Variants in LRRC72 observed in about 807,000 individuals in gnomAD.
The protein encoded by LRRC72 is leucine-rich repeat-containing protein 72.
In LRRC72, 41 loss-of-function variants were observed where a neutral mutation model predicts 35.8. That is an observed-to-expected ratio of 1.15 (90% confidence interval 0.89 to 1.49). LRRC72 has a LOEUF of 1.49. Among genes scored for constraint, LRRC72 ranks in the 40% most tolerant of loss-of-function variants. The pLI is 0.00. For synonymous variants in LRRC72, 118 were observed against 119.2 expected (o/e 0.99, Z 0.07); for missense variants, 389 against 330.7 (o/e 1.18, Z -1.37).
At chr7:16,563,198 TG>T (rs1782772407) in intron 5 of LRRC72, among the ~76,000 whole-genome samples, 1 of 152,172 alleles carries the variant, frequency 6.6e-6, no homozygotes, top group Admixed American at 6.5e-5. Context: ...TTAAAAACAT[TG>T]GGGTTCATTT....
At chr7:16,562,268 CTCTT>C (rs965817861) in intron 5 of LRRC72, among the ~76,000 whole-genome samples, 1 of 152,124 alleles carries the variant, frequency 6.6e-6, no homozygotes, top group Non-Finnish European at 1.5e-5. Flanking sequence ...CTCCTCCAAA[CTCTT>C]TCTAAATCAG....
At chr7:16,546,161 T>C (rs866348140) in intron 3 of LRRC72, among the ~76,000 whole-genome samples, 16 of 152,222 alleles carry the variant, frequency 1.1e-4, no homozygotes, top group African/African-American at 3.9e-4. Context: ...TAATGTTTCA[T>C]GTTCTATGTA....
chr7:16,571,739 C>G (rs1403725821), intron 7 of LRRC72, among the ~76,000 whole-genome samples: 1 of 152,144 alleles, frequency 6.6e-6, no homozygotes, highest in African/African-American at 2.4e-5. Flanking sequence ...CCACCAGGGC[C>G]CTGGGTTTCA....
chr7:16,556,158 C>T (rs1442770880), intron 3 of LRRC72, among the ~76,000 whole-genome samples: 1 of 151,948 alleles, frequency 6.6e-6, no homozygotes, highest in Non-Finnish European at 1.5e-5. Context: ...ATTATGTATA[C>T]AGTACCTAAT....
intron 5 of LRRC72, among the ~76,000 whole-genome samples, chr7:16,561,733 T>C (rs920331411): frequency 2.0e-5 from 3 of 152,254 alleles, no homozygotes; most frequent in African/African-American, 7.2e-5. Flanking sequence ...ATTCACATTT[T>C]GAACTCATGT....
At chr7:16,577,934 G>A (rs1404677852) in intron 7 of LRRC72, among the ~76,000 whole-genome samples, 3 of 152,140 alleles carry the variant, frequency 2.0e-5, no homozygotes, top group Non-Finnish European at 2.9e-5. Context: ...ATGTAAACTC[G>A]TTCAACTCTC....
chr7:16,528,177 TTTC>T (rs1206882786), intron 1 of LRRC72, among the ~76,000 whole-genome samples: 3 of 152,098 alleles, frequency 2.0e-5, no homozygotes, highest in Non-Finnish European at 2.9e-5. Context: ...CTGCTGTCCT[TTTC>T]TTCTTCTACC....
chr7:16,540,409 T>G (rs567224483), intron 3 of LRRC72, among the ~76,000 whole-genome samples: 3 of 152,324 alleles, frequency 2.0e-5, no homozygotes, highest in African/African-American at 7.2e-5. Flanking sequence ...TACAGGTTCA[T>G]AGGTGGAAGG....
intron 7 of LRRC72, among the ~76,000 whole-genome samples, chr7:16,573,483 C>T (rs755786970): frequency 6.6e-6 from 1 of 152,074 alleles, no homozygotes; most frequent in Non-Finnish European, 1.5e-5. Context: ...AGAACAGAGG[C>T]CTCAGAAATA....
intron 5 of LRRC72, among the ~76,000 whole-genome samples, chr7:16,565,394 T>G (rs993834092): frequency 1.3e-5 from 2 of 150,304 alleles, no homozygotes; most frequent in East Asian, 3.9e-4. Flanking sequence ...ATCATGCCAT[T>G]GCGCTCCAGC....
intron 7 of LRRC72, among the ~76,000 whole-genome samples, chr7:16,568,663 T>C (rs73308786): frequency 6.6e-6 from 1 of 152,090 alleles, no homozygotes; most frequent in East Asian, 1.9e-4. Flanking sequence ...TGGCAAAGAA[T>C]TCTTAGATGC....
chr7:16,539,126 G>A (rs1782312880), intron 3 of LRRC72, among the ~76,000 whole-genome samples: 2 of 152,206 alleles, frequency 1.3e-5, no homozygotes, highest in African/African-American at 2.4e-5. Context: ...GGAAAGTTTG[G>A]AACTTCCTAG....
At chr7:16,530,603 T>C (rs892688587) in intron 1 of LRRC72, 1 of 152,254 alleles carries the variant, frequency 6.6e-6, no homozygotes, top group Non-Finnish European at 1.5e-5. Context: ...CAGTATTCCA[T>C]TGTGATGTCA....
chr7:16,561,879 CTAAAA>C (rs1202190408), intron 5 of LRRC72, among the ~76,000 whole-genome samples: 1 of 152,194 alleles, frequency 6.6e-6, no homozygotes, highest in Non-Finnish European at 1.5e-5. Flanking sequence ...AGCTGATAAA[CTAAAA>C]TGAGAACTCT....
intron 7 of LRRC72, among the ~76,000 whole-genome samples, chr7:16,570,683 G>T (rs1394271874): frequency 6.6e-6 from 1 of 152,014 alleles, no homozygotes; most frequent in Admixed American, 6.6e-5. Context: ...AGCTGGGTTT[G>T]GTGGCGAGCA....
chr7:16,535,829 A>T (rs1782244909), intron 2 of LRRC72, among the ~76,000 whole-genome samples: 1 of 152,214 alleles, frequency 6.6e-6, no homozygotes, highest in Non-Finnish European at 1.5e-5. Context: ...ACATTCTACC[A>T]GACAATTATC....
At chr7:16,561,425 A>G (rs1782742365) in intron 5 of LRRC72, among the ~76,000 whole-genome samples, 1 of 152,240 alleles carries the variant, frequency 6.6e-6, no homozygotes, top group South Asian at 2.1e-4. Context: ...TGCCCAGCCC[A>G]GGACTGAATG....
intron 7 of LRRC72, among the ~76,000 whole-genome samples, chr7:16,571,783 C>T (rs1193941232): frequency 1.3e-5 from 2 of 152,120 alleles, no homozygotes; most frequent in Non-Finnish European, 2.9e-5. Flanking sequence ...GGGCAGACAC[C>T]GAGTTAGATG....
intron 7 of LRRC72, among the ~76,000 whole-genome samples, chr7:16,579,503 C>T (rs1340208763): frequency 1.3e-5 from 2 of 152,156 alleles, no homozygotes; most frequent in East Asian, 3.9e-4. Context: ...ATCAACAAAG[C>T]AGTGACAGTC....
Sources: gnomAD v4.1 joint callset for allele counts (sites outside exome capture counted in the v4.1 genomes callset) on GRCh38, gnomAD v4.1.1 for gene constraint, MANE v1.5 for transcripts, NCBI Gene and HGNC (gene_info 2026-07-23, HGNC 2026-07-21) for gene names.